The following KLHL29 variants were observed in gnomAD, a reference collection of about 807,000 sequenced individuals.
KLHL29 encodes the protein kelch-like protein 29.
KLHL29 carries 21 observed loss-of-function variants against 80.4 expected under a neutral mutation model. That is an observed-to-expected ratio of 0.26 (90% CI 0.19 to 0.38). The LOEUF (loss-of-function observed/expected upper bound fraction) is 0.38, where lower values mean the gene tolerates loss of function less well. Among genes scored for constraint, KLHL29 ranks in the 10% least tolerant of loss-of-function variants. The probability of loss-of-function intolerance (pLI) is 1.00; values close to 1 mark genes in which losing one functional copy is unlikely to be tolerated. For missense variants in KLHL29, 867 were observed against 1,223.9 expected, an observed-to-expected ratio of 0.71 and a Z score of 4.35; for synonymous variants, 511 against 526.8, an observed-to-expected ratio of 0.97 and a Z score of 0.41.
intron 3 of KLHL29, among the ~76,000 whole-genome samples, chr2:23,637,162 T>C (rs1669634653): frequency 6.6e-6 from 1 of 152,170 alleles, no homozygotes; most frequent in Non-Finnish European, 1.5e-5. Flanking sequence ...CCAGGCCCAG[T>C]GTGGGACTTG....
At chr2:23,599,484 T>TA (rs2103522236) in intron 3 of KLHL29, among the ~76,000 whole-genome samples, 1 of 151,544 alleles carries the variant, frequency 6.6e-6, no homozygotes, top group South Asian at 2.1e-4. Flanking sequence ...AATATATACC[T>TA]AATATAATGA....
rs547074552 is a variant in KLHL29, at chr2:23,392,548, G to A, written c.-154+6768G>A. On this transcript the variant is annotated intron_variant, in intron 1 of 13. Transcript: ENST00000486442. Reference sequence around the variant, plus strand: ...CCAGTTATGGCTGCTCACTATATCCGAGTACTTTACATATATTATCTCTAA... The same window carrying A: ...CCAGTTATGGCTGCTCACTATATCCAAGTACTTTACATATATTATCTCTAA... Among the ~76,000 whole-genome samples the A allele has an allele frequency of 6.6e-5, 10 of 152,166 alleles. No individual in the cohort carries two copies. In the East Asian group the frequency reaches 9.7e-4, roughly 15 times the overall value.
intron 2 of KLHL29, among the ~76,000 whole-genome samples, chr2:23,481,296 T>C (rs1232160820): frequency 1.3e-5 from 2 of 152,194 alleles, no homozygotes; most frequent in African/African-American, 4.8e-5. Context: ...CGGTTTCATG[T>C]AGGCAACATT....
At chr2:23,543,014 T>C (rs529746046) in intron 2 of KLHL29, among the ~76,000 whole-genome samples, 2 of 152,204 alleles carry the variant, frequency 1.3e-5, no homozygotes, top group Non-Finnish European at 2.9e-5. Context: ...GGCTTAATCA[T>C]GTAGCTTCCT....
At chr2:23,485,904 T>C (rs1478268730) in intron 2 of KLHL29, among the ~76,000 whole-genome samples, 1 of 152,218 alleles carries the variant, frequency 6.6e-6, no homozygotes, top group East Asian at 1.9e-4. Context: ...GCGTAAGACA[T>C]GTACAAGGCT....
At chr2:23,504,064 G>A (rs182803518) in intron 2 of KLHL29, among the ~76,000 whole-genome samples, 49 of 152,272 alleles carry the variant, frequency 3.2e-4, no homozygotes, top group Middle Eastern at 3.4e-3. Context: ...CTGGGAGCTC[G>A]GGAGGAGGCA....
intron 3 of KLHL29, among the ~76,000 whole-genome samples, chr2:23,578,787 G>A (rs761230452): frequency 6.6e-5 from 10 of 152,136 alleles, no homozygotes; most frequent in Non-Finnish European, 1.3e-4. Context: ...TCTTTTCCAC[G>A]GTCGTATATT....
chr2:23,630,143 G>A (rs1669432614), intron 3 of KLHL29, among the ~76,000 whole-genome samples: 2 of 152,250 alleles, frequency 1.3e-5, no homozygotes, highest in African/African-American at 4.8e-5. Context: ...GCTGAGGTGG[G>A]CAGCACCAGG....
At chr2:23,490,188 C>T (rs755966705) in intron 2 of KLHL29, among the ~76,000 whole-genome samples, 1 of 152,132 alleles carries the variant, frequency 6.6e-6, no homozygotes, top group East Asian at 1.9e-4. Flanking sequence ...TGCCTTTTTA[C>T]TTCTGGGAAC....
intron 4 of KLHL29, among the ~76,000 whole-genome samples, chr2:23,641,839 C>T (rs1342114935): frequency 1.3e-5 from 2 of 152,148 alleles, no homozygotes; most frequent in Non-Finnish European, 2.9e-5. Context: ...CAAAAATTAA[C>T]CAGGCATGGT....
chr2:23,511,470 G>A (rs532107443), intron 2 of KLHL29, among the ~76,000 whole-genome samples: 8 of 152,152 alleles, frequency 5.3e-5, no homozygotes, highest in South Asian at 4.1e-4. Context: ...CCCATGGAGC[G>A]GGGAGTGTTA....
intron 1 of KLHL29, among the ~76,000 whole-genome samples, chr2:23,438,705 T>C (rs111371721): frequency 0.43 from 61,232 of 143,856 alleles, 13,654 homozygotes; most frequent in African/African-American, 0.58. Flanking sequence ...CTGCTGGATT[T>C]GGTTTGCCAG....
chr2:23,417,668 T>A (rs1410245077), intron 1 of KLHL29, among the ~76,000 whole-genome samples: 1 of 152,184 alleles, frequency 6.6e-6, no homozygotes, highest in African/African-American at 2.4e-5. Context: ...TTTTTATCAC[T>A]GCATTGTCTC....
intron 5 of KLHL29, among the ~76,000 whole-genome samples, chr2:23,649,895 C>A (rs7581165): frequency 0.34 from 51,245 of 152,136 alleles, 10,300 homozygotes; most frequent in East Asian, 0.47. Context: ...CCGTGAGGTT[C>A]CAGGTCAGTG....
intron 1 of KLHL29, among the ~76,000 whole-genome samples, chr2:23,432,132 C>T (rs1663199631): frequency 6.6e-6 from 1 of 152,150 alleles, no homozygotes; most frequent in Non-Finnish European, 1.5e-5. Context: ...TTAGTGCTAT[C>T]ATTTCATTTT....
intron 2 of KLHL29, among the ~76,000 whole-genome samples, chr2:23,532,085 T>C (rs1666506590): frequency 6.6e-6 from 1 of 152,126 alleles, no homozygotes; most frequent in African/African-American, 2.4e-5. Flanking sequence ...CCACTGGGCC[T>C]ATTCCACAAC....
In KLHL29 at chr2:23,682,754, C is replaced by T. The variant is rs553745526; in HGVS notation, c.941-1645C>T. On this transcript the variant is annotated intron_variant, in intron 5 of 13. Coordinates refer to ENST00000486442, the MANE Select transcript of KLHL29 (RefSeq NM_052920.2). The surrounding 1 kb of genome is among the most constrained non-coding windows in gnomAD (Gnocchi z 4.1). ...TGGTCTCTGTCTGTAGCTCCCACCC[C>T]CCTTGCTCCGGGTCTGAGCTCACCC... Among the ~76,000 whole-genome samples the T allele has an allele frequency of 1.6e-4, 24 of 152,286 alleles. No individual in the cohort carries two copies. Among genetic ancestry groups the T allele is most frequent in the Middle Eastern group, 3.4e-3 (1 of 294 alleles).
chr2:23,553,833 G>A (rs1667191417), intron 2 of KLHL29, among the ~76,000 whole-genome samples: 1 of 152,214 alleles, frequency 6.6e-6, no homozygotes, highest in African/African-American at 2.4e-5. Flanking sequence ...CTCCAGTGGA[G>A]GAAACGAAGG....
chr2:23,493,369 G>A (rs978748859), intron 2 of KLHL29, among the ~76,000 whole-genome samples: 10 of 152,146 alleles, frequency 6.6e-5, no homozygotes, highest in East Asian at 1.9e-4. Flanking sequence ...TTAAAAAATC[G>A]GCTATTAATT....
Sources: gnomAD v4.1 joint callset for allele counts (sites outside exome capture counted in the v4.1 genomes callset) on GRCh38, gnomAD v4.1.1 for gene constraint, Gnocchi (gnomAD v3.1) non-coding constraint, MANE v1.5 for transcripts, NCBI Gene and HGNC (gene_info 2026-07-23, HGNC 2026-07-21) for gene names.